IL1RN: variants seen among roughly 807,000 people sequenced by gnomAD.
The protein encoded by IL1RN is interleukin 1 receptor antagonist.
Under a neutral mutation model 13.7 loss-of-function variants are expected in IL1RN, and 10 were observed. The observed-to-expected ratio is 0.73, with a 90% CI of 0.45 to 1.24. IL1RN has a LOEUF of 1.24. IL1RN is among the 50% of genes most tolerant of loss of function. The pLI is 0.00. For synonymous variants in IL1RN, 102 were observed against 82.7 expected (o/e 1.23, Z -1.27); for missense variants, 213 against 222.1 (o/e 0.96, Z 0.26).
At chr2:113,118,803 A>T (rs1686670794) in intron 1 of IL1RN, among the ~76,000 whole-genome samples, 1 of 152,164 alleles carries the variant, frequency 6.6e-6, no homozygotes. Context: ...TTGGGAGGCC[A>T]AGGTGGGTGG....
At chr2:113,122,373 C>T (rs920444106) in intron 2 of IL1RN, among the ~76,000 whole-genome samples, 3 of 152,152 alleles carry the variant, frequency 2.0e-5, no homozygotes, top group Non-Finnish European at 2.9e-5. Context: ...GACAATTTCC[C>T]TTTAGAAGGA....
chr2:113,107,360 G>A (rs28672736), upstream of IL1RN: 3 of 152,208 alleles, frequency 2.0e-5, no homozygotes, highest in Non-Finnish European at 4.4e-5. Flanking sequence ...AAAGCAAGGA[G>A]ACAGTTGAAA....
intron 1 of IL1RN, among the ~76,000 whole-genome samples, chr2:113,119,004 T>C (rs1169283243): frequency 6.6e-6 from 1 of 152,002 alleles, no homozygotes; most frequent in African/African-American, 2.4e-5. Flanking sequence ...ACCACTGCAC[T>C]CCAGTCTGGG....
chr2:113,128,267 T>C (rs1413313858), intron 1 of IL1RN, among the ~76,000 whole-genome samples: 2 of 152,168 alleles, frequency 1.3e-5, no homozygotes, highest in African/African-American at 4.8e-5. Context: ...ATTCCGTGCA[T>C]TGTAAAGAGC....
upstream of IL1RN, among the ~76,000 whole-genome samples, chr2:113,109,478 A>G (rs1686454547): frequency 6.6e-6 from 1 of 152,136 alleles, no homozygotes; most frequent in Non-Finnish European, 1.5e-5. Context: ...ACAAAAAATG[A>G]AAATGAACTA....
the IL1RN span, among the ~76,000 whole-genome samples, chr2:113,101,549 GAAGA>G: frequency 1.6e-4 from 25 of 152,162 alleles, no homozygotes; most frequent in African/African-American, 6.0e-4. Context: ...CATGATCTCA[GAAGA>G]AAGGACTGCC....
upstream of IL1RN, among the ~76,000 whole-genome samples, chr2:113,116,054 C>T (rs190902915): frequency 1.9e-4 from 29 of 152,340 alleles, no homozygotes; most frequent in African/African-American, 6.5e-4. Flanking sequence ...TTAGCCCAGT[C>T]TTCACAAGCA....
rs893020323 is a variant in IL1RN at position 113,129,580 on chromosome 2, T to A, written c.121T>A (p.Trp41Arg). ...KSSKMQAFRI[W>R]DVNQKTFYLR... ...CTGAGTCCTTTTCCTTTTCAGAATC[T>A]GGGATGTTAACCAGAAGACCTTCTA... The change falls in exon 2 of 4, where the codon TGG (tryptophan) becomes AGG (arginine). Residue 41 changes from tryptophan to arginine, a missense_variant. By Grantham distance (101) the Trp-to-Arg change is moderately radical. Transcript: ENST00000409930. The A allele has an allele frequency of 6.2e-7, 1 of 1,605,720 alleles. No individual in the cohort carries two copies. Among genetic ancestry groups the A allele is most frequent in the Non-Finnish European group, 8.5e-7 (1 of 1,172,388 alleles).
At chr2:113,125,202 G>A (rs953049593), upstream of IL1RN, among the ~76,000 whole-genome samples, 1 of 152,230 alleles carries the variant, frequency 6.6e-6, no homozygotes, top group African/African-American at 2.4e-5. Flanking sequence ...TTCAGAGAGT[G>A]TGAGAATAAA....
At position 113,129,933 on chromosome 2, in the gene IL1RN, A is replaced by C. The variant is rs4252015; in HGVS notation, c.205+269A>C. On this transcript the variant is annotated intron_variant, in intron 2 of 3. Transcript: ENST00000409930. ...AGGGCCACAGCTGGGAAGGGCAAAT[A>C]CCAGAAGGCAAGGTTGACCATTCCC... 1,356 of 460,658 alleles carry C rather than the reference A, an allele frequency of 2.9e-3. 19 individuals are homozygous for C. Among genetic ancestry groups the C allele is most frequent in the African/African-American group, 0.024 (1,209 of 50,744 alleles). 28.5% of individuals were successfully genotyped at this position (460,658 alleles called of 1,614,324 possible).
rs750849816 is a variant in IL1RN at position 113,131,075 on chromosome 2, A to G, written c.236A>G (p.His79Arg). Residue 79 changes from histidine to arginine, a missense_variant, in exon 3 of 4, where the codon CAT becomes CGT. Physicochemically the swap from His to Arg is conservative, Grantham distance 29 (BLOSUM62 0). Coordinates refer to ENST00000409930, the MANE Select transcript of IL1RN (RefSeq NM_173842.3). The part of the protein sequence containing the change: ...EKIDVVPIEP[H>R]ALFLGIHGGK... ...ATAGATGTGGTACCCATTGAGCCTC[A>G]TGCTCTGTTCTTGGGAATCCATGGA... The G allele has an allele frequency of 1.9e-6, 3 of 1,613,426 alleles. No individual in the cohort carries two copies. The highest frequency in any genetic ancestry group is 8.5e-7 in the Non-Finnish European group (1 of 1,179,340).
chr2:113,102,566 T>C (rs1333343279), upstream of IL1RN, among the ~76,000 whole-genome samples: 1 of 152,164 alleles, frequency 6.6e-6, no homozygotes, highest in African/African-American at 2.4e-5. Context: ...CCAAACAGGC[T>C]TTGTGTGAGC....
chr2:113,113,761 G>C (rs141841428), upstream of IL1RN, among the ~76,000 whole-genome samples: 17 of 152,282 alleles, frequency 1.1e-4, no homozygotes, highest in East Asian at 1.2e-3. Context: ...CAGTAAAGTA[G>C]TTTAAAAATG....
intron 1 of IL1RN, 122 bp downstream of exon 1, chr2:113,127,862 T>C (rs189597868): frequency 8.9e-6 from 8 of 896,906 alleles, no homozygotes; most frequent in Non-Finnish European, 1.4e-5. Flanking sequence ...CTGGAGAGGA[T>C]GTCCATTATT....
chr2:113,106,527 T>A (rs1281686648), upstream of IL1RN, among the ~76,000 whole-genome samples: 1 of 152,258 alleles, frequency 6.6e-6, no homozygotes, highest in Non-Finnish European at 1.5e-5. Flanking sequence ...TTATTGCTTG[T>A]GTTTACCTGT....
chr2:113,111,731 A>C (rs758516368), intron 1 of IL1RN, among the ~76,000 whole-genome samples: 1 of 152,204 alleles, frequency 6.6e-6, no homozygotes, highest in Non-Finnish European at 1.5e-5. Context: ...CTTTACACTC[A>C]CACAGGTGAG....
intron 2 of IL1RN, chr2:113,120,175 A>G: frequency 8.0e-7 from 1 of 1,252,446 alleles, no homozygotes; most frequent in Non-Finnish European, 1.2e-6. Flanking sequence ...TTAGGCTACT[A>G]GATATGAACA....
In IL1RN at chr2:113,112,264, C is replaced by A. The variant is rs181606919; in HGVS notation, c.-387-736C>A. On this transcript the variant is annotated intron_variant, in intron 1 of 8. Transcript: ENST00000409052. ...GGCCCAGCCACCGTGTTACATGCAACACTCAACAGAGATATTCTTTGGCTA... is the reference window on the plus strand; with the variant it reads ...GGCCCAGCCACCGTGTTACATGCAAAACTCAACAGAGATATTCTTTGGCTA... Among the ~76,000 whole-genome samples, 428 of 152,362 alleles carry A rather than the reference C, an allele frequency of 2.8e-3. 2 individuals carry two copies. The highest frequency in any genetic ancestry group is 9.7e-3 in the African/African-American group (404 of 41,578).
upstream of IL1RN, among the ~76,000 whole-genome samples, chr2:113,102,449 A>G (rs1686328711): frequency 1.3e-5 from 2 of 152,074 alleles, no homozygotes; most frequent in African/African-American, 4.8e-5. Context: ...GTTCACACAG[A>G]GCTATTGCAA....
Sources: gnomAD v4.1 joint callset for allele counts (sites outside exome capture counted in the v4.1 genomes callset) on GRCh38, gnomAD v4.1.1 for gene constraint, MANE v1.5 for transcripts, NCBI Gene and HGNC (gene_info 2026-07-23, HGNC 2026-07-21) for gene names.